Variants in FAM13A observed in about 807,000 individuals in gnomAD.
The protein encoded by FAM13A is protein FAM13A.
Under a neutral mutation model 129.6 loss-of-function variants are expected in FAM13A, and 76 were observed. That is an observed-to-expected ratio of 0.59 (90% CI 0.49 to 0.71). The LOEUF (loss-of-function observed/expected upper bound fraction) is 0.71. Among genes scored for constraint, FAM13A ranks in the 30% least tolerant of loss-of-function variants. The pLI, the probability that FAM13A is intolerant of heterozygous loss-of-function variation, is 0.00. For missense variants in FAM13A, 1,108 were observed against 1,249.3 expected, an observed-to-expected ratio of 0.89 and a Z score of 1.70; for synonymous variants, 443 against 449.9, an observed-to-expected ratio of 0.98 and a Z score of 0.20.
At chr4:88,874,377 A>G (rs1288170355) in intron 6 of FAM13A, among the ~76,000 whole-genome samples, 1 of 152,246 alleles carries the variant, frequency 6.6e-6, no homozygotes, top group East Asian at 1.9e-4. Context: ...ACATGATTGT[A>G]TATTTAGAAA....
intron 5 of FAM13A, among the ~76,000 whole-genome samples, chr4:88,935,985 GT>G (rs1301290570): frequency 6.6e-6 from 1 of 152,130 alleles, no homozygotes; most frequent in East Asian, 1.9e-4. Context: ...GAATATAAAT[GT>G]AGTTTCTAAT....
intron 4 of FAM13A, among the ~76,000 whole-genome samples, chr4:88,978,831 A>G: frequency 6.6e-6 from 1 of 152,312 alleles, no homozygotes. Flanking sequence ...AGCAACACAA[A>G]TTGATATAAA....
chr4:88,834,881 T>C (rs1314216453), intron 7 of FAM13A, among the ~76,000 whole-genome samples: 6 of 152,170 alleles, frequency 3.9e-5, no homozygotes, highest in Non-Finnish European at 8.8e-5. Context: ...ATTAGTCTAT[T>C]ACCACCACTG....
At chr4:88,746,451 A>G (rs942836171) in intron 19 of FAM13A, among the ~76,000 whole-genome samples, 2 of 152,224 alleles carry the variant, frequency 1.3e-5, no homozygotes, top group African/African-American at 4.8e-5. Flanking sequence ...GGCAGCTGGA[A>G]CTTCTTTACA....
chr4:88,770,165 A>G (rs1211812898), intron 11 of FAM13A, among the ~76,000 whole-genome samples: 3 of 152,202 alleles, frequency 2.0e-5, no homozygotes, highest in Non-Finnish European at 4.4e-5. Flanking sequence ...AAATTACAAC[A>G]TTCAATTATA....
chr4:88,974,372 G>A (rs1467317418), intron 4 of FAM13A, among the ~76,000 whole-genome samples: 1 of 152,170 alleles, frequency 6.6e-6, no homozygotes, highest in Non-Finnish European at 1.5e-5. Flanking sequence ...AAGAAGTGTT[G>A]TTGATTTTTC....
chr4:88,756,266 G>A (rs757532653), intron 14 of FAM13A, among the ~76,000 whole-genome samples: 37 of 152,222 alleles, frequency 2.4e-4, no homozygotes, highest in Admixed American at 1.6e-3. Context: ...GACCAGACTC[G>A]GATCCTACAT....
intron 4 of FAM13A, among the ~76,000 whole-genome samples, chr4:88,985,868 G>T (rs1034304548): frequency 6.6e-6 from 1 of 151,206 alleles, no homozygotes; most frequent in Non-Finnish European, 1.5e-5. Flanking sequence ...AAAACTGTTG[G>T]AATGATCTCT....
intron 4 of FAM13A, among the ~76,000 whole-genome samples, chr4:88,972,600 C>A (rs1378602612): frequency 2.6e-5 from 4 of 152,034 alleles, no homozygotes; most frequent in African/African-American, 9.6e-5. Flanking sequence ...TGCACCCAGC[C>A]CCTCCTTCAC....
intron 6 of FAM13A, among the ~76,000 whole-genome samples, chr4:88,873,889 A>G (rs1001110366): frequency 2.6e-4 from 39 of 152,248 alleles, no homozygotes; most frequent in Non-Finnish European, 5.0e-4. Flanking sequence ...AAAAATCCTC[A>G]ATAAAATACT....
chr4:88,940,491 G>A (rs1402347275), intron 4 of FAM13A, among the ~76,000 whole-genome samples: 7 of 152,258 alleles, frequency 4.6e-5, no homozygotes, highest in Middle Eastern at 3.4e-3. Flanking sequence ...AATGCAAGAG[G>A]AGAAAGAAAG....
intron 5 of FAM13A, among the ~76,000 whole-genome samples, chr4:88,921,530 A>C: frequency 6.6e-6 from 1 of 152,194 alleles, no homozygotes; most frequent in Non-Finnish European, 1.5e-5. Context: ...CAGGCCTACC[A>C]TAAAAGAGCT....
rs1387777950 is a variant in FAM13A at position 88,727,543 on chromosome 4, T to A, written c.*990A>T. Reference sequence around the variant, plus strand: ...TTGGGGATTTTAGTGCAGATTTTTTTTAAAAAAATTAAACTCTGGTAAGTA... The same window carrying A: ...TTGGGGATTTTAGTGCAGATTTTTTATAAAAAAATTAAACTCTGGTAAGTA... On this transcript the variant is annotated 3_prime_UTR_variant, in exon 24 of 24. Coordinates refer to ENST00000264344, the MANE Select transcript of FAM13A (RefSeq NM_014883.4). The A allele has an allele frequency of 6.6e-6, 1 of 152,502 alleles. No homozygotes were observed. The highest frequency in any genetic ancestry group is 2.4e-5 in the African/African-American group (1 of 41,398). The allele number at this position is 152,502 out of a possible 1,614,324, so 9.4% of individuals were successfully genotyped here.
intron 6 of FAM13A, among the ~76,000 whole-genome samples, chr4:88,868,998 G>T (rs1454972808): frequency 6.6e-6 from 1 of 152,136 alleles, no homozygotes; most frequent in African/African-American, 2.4e-5. Context: ...TTTGGAAGAT[G>T]GTAAAACTAA....
intron 18 of FAM13A, among the ~76,000 whole-genome samples, chr4:88,747,315 C>T (rs374468128): frequency 3.9e-5 from 6 of 152,228 alleles, no homozygotes; most frequent in South Asian, 4.2e-4. Context: ...CAAGCAATGA[C>T]GACGGTTATA....
At chr4:88,920,694 G>A (rs904423103) in intron 5 of FAM13A, among the ~76,000 whole-genome samples, 1 of 152,214 alleles carries the variant, frequency 6.6e-6, no homozygotes, top group Non-Finnish European at 1.5e-5. Flanking sequence ...GAACAAAGCT[G>A]GACGGAGAAC....
At chr4:88,764,663 G>C (rs1266647826) in intron 13 of FAM13A, among the ~76,000 whole-genome samples, 1 of 152,108 alleles carries the variant, frequency 6.6e-6, no homozygotes, top group Non-Finnish European at 1.5e-5. Flanking sequence ...AAAGACTCTA[G>C]ATTTTGCATG....
intron 19 of FAM13A, among the ~76,000 whole-genome samples, chr4:88,741,652 A>G: frequency 6.6e-6 from 1 of 152,240 alleles, no homozygotes; most frequent in South Asian, 2.1e-4. Flanking sequence ...CAGGGTAAGC[A>G]TCCCAAATCT....
chr4:88,753,155 T>C (rs1051160786), intron 14 of FAM13A, among the ~76,000 whole-genome samples: 2 of 152,246 alleles, frequency 1.3e-5, no homozygotes, highest in South Asian at 4.1e-4. Flanking sequence ...AAAAATGTTA[T>C]AACTCATCTT....
Sources: gnomAD v4.1 joint callset for allele counts (sites outside exome capture counted in the v4.1 genomes callset) on GRCh38, gnomAD v4.1.1 for gene constraint, MANE v1.5 for transcripts, NCBI Gene and HGNC (gene_info 2026-07-23, HGNC 2026-07-21) for gene names.